The following CSMD1 variants were observed in gnomAD, a reference collection of about 807,000 sequenced individuals.
The protein encoded by CSMD1 is CUB and Sushi multiple domains 1, also known as CUB and sushi domain-containing protein 1.
CSMD1 carries 213 observed loss-of-function variants against 417.5 expected under a neutral mutation model. The ratio of observed to expected loss-of-function variants is 0.51; its 90% confidence interval spans 0.46 to 0.57. CSMD1 has a LOEUF of 0.57. CSMD1 is among the 20% of genes least tolerant of loss of function. The pLI is 0.00. For missense variants in CSMD1, 6,923 were observed against 4,529.7 expected, an observed-to-expected ratio of 1.53 and a Z score of -15.17; for synonymous variants, 2,862 against 1,736.8, an observed-to-expected ratio of 1.65 and a Z score of -16.11.
chr8:4,487,601 T>C lies in CSMD1; in HGVS notation c.303-67536A>G, dbSNP rs576141842. 1.1e-3 allele frequency among the ~76,000 whole-genome samples: 165 copies of C among 152,326 alleles called. 2 individuals carry two copies. The highest frequency in any genetic ancestry group is 3.8e-3 in the African/African-American group (159 of 41,572). On this transcript the variant is annotated intron_variant, in intron 2 of 69. Coordinates refer to ENST00000635120, the MANE Select transcript of CSMD1 (RefSeq NM_033225.6). ...TTGGGTTGGTTCCAAGTCTTTGCTA[T>C]TGTGAAGTTTCAAAATTAAAGTAGA... is the stretch of plus-strand genomic sequence containing the variant.
intron 68 of CSMD1, 92 bp from the exon 69 acceptor site, chr8:2,942,696 C>A (rs1203669236): frequency 1.0e-6 from 1 of 985,588 alleles, no homozygotes; most frequent in African/African-American, 1.6e-5. Flanking sequence ...ACGAACTCTT[C>A]AAGAAGCAGA....
intron 3 of CSMD1, among the ~76,000 whole-genome samples, chr8:4,251,175 A>C (rs937657519): frequency 6.6e-6 from 1 of 152,212 alleles, no homozygotes; most frequent in Non-Finnish European, 1.5e-5. Context: ...TGAAGAAAGG[A>C]ATATAATAGA....
chr8:3,095,633 T>C (rs772592391), intron 47 of CSMD1, among the ~76,000 whole-genome samples: 1 of 152,190 alleles, frequency 6.6e-6, no homozygotes, highest in Non-Finnish European at 1.5e-5. Context: ...CAAACACACA[T>C]CAAATCCATT....
chr8:3,962,129 G>C (rs150107861), intron 5 of CSMD1, among the ~76,000 whole-genome samples: 199 of 152,234 alleles, frequency 1.3e-3, no homozygotes, highest in African/African-American at 4.4e-3. Context: ...CTCTTTCTGT[G>C]TCCAGCCCAC....
At chr8:3,372,895 C>T (rs1437630385) in intron 18 of CSMD1, among the ~76,000 whole-genome samples, 2 of 152,064 alleles carry the variant, frequency 1.3e-5, no homozygotes. Flanking sequence ...GCCAGCGCAC[C>T]GCGTAGTGGG....
intron 3 of CSMD1, among the ~76,000 whole-genome samples, chr8:4,357,600 G>C (rs1473513240): frequency 1.3e-5 from 2 of 151,944 alleles, no homozygotes; most frequent in East Asian, 3.9e-4. Flanking sequence ...TAGTCCTTTA[G>C]GATACAAATA....
In CSMD1 at chr8:3,929,258, G is replaced by C. The variant is rs747245422; in HGVS notation, c.818+68645C>G. Among the ~76,000 whole-genome samples the C allele has an allele frequency of 8.0e-5, 12 of 150,526 alleles. 2 individuals carry two copies. The highest frequency in any genetic ancestry group is 1.0e-4 in the Non-Finnish European group (7 of 67,518). ...TTTGTCCATATACACATATGGACAG[G>C]ATGATTTTCCCCCTACATTCCCTCA... On this transcript the variant is annotated intron_variant, in intron 5 of 69. Transcript: ENST00000635120.
intron 5 of CSMD1, among the ~76,000 whole-genome samples, chr8:3,965,794 C>T (rs966991778): frequency 4.0e-5 from 6 of 151,658 alleles, no homozygotes; most frequent in African/African-American, 1.2e-4. Flanking sequence ...ATATTTTGTA[C>T]CTTTAGTAGA....
intron 1 of CSMD1, among the ~76,000 whole-genome samples, chr8:4,970,715 G>A (rs904117238): frequency 6.6e-6 from 1 of 152,024 alleles, no homozygotes; most frequent in South Asian, 2.1e-4. Flanking sequence ...TCAGGACGTG[G>A]ATTCTGAAAG....
At position 4,391,577 on chromosome 8, in the gene CSMD1, G is replaced by A. The variant is rs546324470; in HGVS notation, c.415+28376C>T. Among the ~76,000 whole-genome samples the A allele has an allele frequency of 3.9e-4, 59 of 152,094 alleles. 2 individuals are homozygous for A. The South Asian group carries it at 0.011, about 28-fold the overall frequency. The stretch of plus-strand genomic sequence containing the variant: ...GGTAAGACTTGGCCAGTGACTTTCA[G>A]CTACCCTATTTTTGCCCCCGCTTTT... On this transcript the variant is annotated intron_variant, in intron 3 of 69. Transcript: ENST00000635120.
chr8:4,008,649 C>A (rs113830042), intron 4 of CSMD1, among the ~76,000 whole-genome samples: 11,889 of 128,698 alleles, frequency 0.092, 587 homozygotes, highest in Middle Eastern at 0.17. Context: ...CTCGCTCTGT[C>A]GCCCAGGCTG....
At chr8:4,874,666 G>A (rs1470028669) in intron 1 of CSMD1, among the ~76,000 whole-genome samples, 1 of 151,760 alleles carries the variant, frequency 6.6e-6, no homozygotes, top group Non-Finnish European at 1.5e-5. Flanking sequence ...CCTGGGATCA[G>A]TTGGCATCTT....
intron 49 of CSMD1, among the ~76,000 whole-genome samples, chr8:3,073,992 T>C (rs1813475801): frequency 6.6e-6 from 1 of 152,228 alleles, no homozygotes; most frequent in South Asian, 2.1e-4. Flanking sequence ...TCCAACACGA[T>C]TTCTGCAGTT....
intron 3 of CSMD1, among the ~76,000 whole-genome samples, chr8:4,075,721 G>T (rs534915464): frequency 6.6e-6 from 1 of 152,176 alleles, no homozygotes; most frequent in Admixed American, 6.5e-5. Flanking sequence ...ATGTAGAAAC[G>T]GTTTGCATGT....
intron 10 of CSMD1, among the ~76,000 whole-genome samples, chr8:3,558,923 C>T (rs1799345618): frequency 6.6e-6 from 1 of 152,110 alleles, no homozygotes; most frequent in South Asian, 2.1e-4. Context: ...TGGGGCAGCA[C>T]CACGATTCGA....
At chr8:3,740,005 C>T (rs1376857166) in intron 6 of CSMD1, among the ~76,000 whole-genome samples, 1 of 152,176 alleles carries the variant, frequency 6.6e-6, no homozygotes, top group South Asian at 2.1e-4. Flanking sequence ...TTGGTCTCTT[C>T]TGGGAGTCAT....
intron 5 of CSMD1, among the ~76,000 whole-genome samples, chr8:3,773,177 G>C (rs776524008): frequency 6.6e-6 from 1 of 152,184 alleles, no homozygotes; most frequent in Non-Finnish European, 1.5e-5. Context: ...ATGAACTCTA[G>C]GGGGACACTG....
chr8:3,399,373 G>C lies in CSMD1; in HGVS notation c.2405+18C>G. On this transcript the variant is annotated intron_variant, in intron 16 of 69. Coordinates refer to ENST00000635120, the MANE Select transcript of CSMD1 (RefSeq NM_033225.6). ...ACACACACCATTGGGTCCAAATGAA[G>C]ACTAATTTTTTTCTTACCTGTCAAA... 1.3e-6 allele frequency: 2 copies of C among 1,584,898 alleles called. No individual in the cohort carries two copies. The highest frequency in any genetic ancestry group is 1.7e-6 in the Non-Finnish European group (2 of 1,165,014).
intron 7 of CSMD1, among the ~76,000 whole-genome samples, chr8:3,672,596 T>A (rs1799133647): frequency 6.6e-6 from 1 of 152,222 alleles, no homozygotes; most frequent in African/African-American, 2.4e-5. Flanking sequence ...GTGTTTACAT[T>A]TGGCCATTGT....
Sources: gnomAD v4.1 joint callset for allele counts (sites outside exome capture counted in the v4.1 genomes callset) on GRCh38, gnomAD v4.1.1 for gene constraint, MANE v1.5 for transcripts, NCBI Gene and HGNC (gene_info 2026-07-23, HGNC 2026-07-21) for gene names.